RANBP17: variants seen among roughly 807,000 people sequenced by gnomAD.
The protein encoded by RANBP17 is ran-binding protein 17.
A neutral mutation model predicts 141.2 loss-of-function variants in RANBP17; 158 were observed. The observed-to-expected ratio is 1.12, with a 90% CI of 0.98 to 1.28. The LOEUF (loss-of-function observed/expected upper bound fraction) is 1.28, where lower values mean the gene tolerates loss of function less well. Ranked by LOEUF, RANBP17 falls within the 50% of genes most tolerant of loss-of-function variation. The pLI, the probability that RANBP17 is intolerant of heterozygous loss-of-function variation, is 0.00. For synonymous variants in RANBP17, 430 were observed against 450.0 expected (o/e 0.96, Z 0.56); for missense variants, 1,438 against 1,290.7 (o/e 1.11, Z -1.75).
At chr5:170,993,482 A>AT (rs1447000388) in intron 14 of RANBP17, among the ~76,000 whole-genome samples, 2 of 152,036 alleles carry the variant, frequency 1.3e-5, no homozygotes, top group South Asian at 2.1e-4. Context: ...TGTTTCTAGG[A>AT]TTTTGGCTTC....
At chr5:171,043,791 G>T (rs1364121012) in intron 14 of RANBP17, among the ~76,000 whole-genome samples, 1 of 152,076 alleles carries the variant, frequency 6.6e-6, no homozygotes, top group Non-Finnish European at 1.5e-5. Context: ...CTTCAATGAA[G>T]AGTCTAGAAC....
chr5:171,281,145 C>T (rs1043132362), intron 25 of RANBP17, among the ~76,000 whole-genome samples: 1 of 152,174 alleles, frequency 6.6e-6, no homozygotes, highest in Non-Finnish European at 1.5e-5. Context: ...CAGTCCATCA[C>T]TCCCTCAGCC....
intron 16 of RANBP17, among the ~76,000 whole-genome samples, chr5:171,182,526 G>C (rs760829498): frequency 8.5e-5 from 13 of 152,066 alleles, no homozygotes; most frequent in Non-Finnish European, 1.8e-4. Context: ...ATTTCTCTTA[G>C]CTCCTGTTTC....
intron 22 of RANBP17, among the ~76,000 whole-genome samples, chr5:171,222,412 C>T (rs568868626): frequency 6.6e-6 from 1 of 152,310 alleles, no homozygotes; most frequent in African/African-American, 2.4e-5. Flanking sequence ...AAATTCTCTA[C>T]TCTCTGAGAC....
intron 14 of RANBP17, among the ~76,000 whole-genome samples, chr5:171,145,462 A>G (rs1481740694): frequency 1.3e-5 from 2 of 152,156 alleles, no homozygotes; most frequent in Non-Finnish European, 1.5e-5. Flanking sequence ...CTTAGAAACA[A>G]TGCATATTCT....
At chr5:170,916,106 G>A (rs11745869) in intron 8 of RANBP17, among the ~76,000 whole-genome samples, 41,619 of 85,526 alleles carry the variant, frequency 0.49, 9,232 homozygotes, top group South Asian at 0.74. Flanking sequence ...ATTATCATGC[G>A]TTATATTCTA....
At chr5:170,926,027 G>T (rs1201487851) in intron 12 of RANBP17, among the ~76,000 whole-genome samples, 1 of 152,140 alleles carries the variant, frequency 6.6e-6, no homozygotes, top group Non-Finnish European at 1.5e-5. Flanking sequence ...TATATATTCA[G>T]CTTTAGTAGG....
chr5:171,221,831 T>C lies in RANBP17; in HGVS notation c.2413T>C (p.Cys805Arg). The stretch of plus-strand genomic sequence containing the variant: ...CTTCAGAGAAGCTAGTAAAATGGTT[T>C]GCACTTATGGTGAGTGTCCTTTTCC... ...LLFREASKMV[C>R]TYGNQILSLG... Residue 805 changes from cysteine (C) to arginine (R), a missense_variant, in exon 22 of 28, where the codon TGC (cysteine) becomes CGC (arginine). Transcript: ENST00000523189. The C allele has an allele frequency of 6.3e-7, 1 of 1,594,164 alleles. No homozygotes were observed. Among genetic ancestry groups the C allele is most frequent in the African/African-American group, 1.3e-5 (1 of 74,660 alleles).
chr5:171,147,280 T>TA (rs1217575482), intron 14 of RANBP17, among the ~76,000 whole-genome samples: 10 of 147,158 alleles, frequency 6.8e-5, no homozygotes, highest in South Asian at 4.3e-4. Context: ...TGCTGAAGTC[T>TA]AAAAAAAAAC....
chr5:171,246,603 G>C (rs1261340755), intron 24 of RANBP17, among the ~76,000 whole-genome samples: 1 of 152,192 alleles, frequency 6.6e-6, no homozygotes. Context: ...AGTTTGGCTG[G>C]ACATTCTTTT....
At chr5:171,084,055 C>A (rs1449074712) in intron 14 of RANBP17, among the ~76,000 whole-genome samples, 1 of 149,526 alleles carries the variant, frequency 6.7e-6, no homozygotes, top group African/African-American at 2.5e-5. Flanking sequence ...TGGTGCGCTG[C>A]ACCCACTAAC....
intron 14 of RANBP17, among the ~76,000 whole-genome samples, chr5:171,123,111 AC>A (rs1756163550): frequency 6.6e-6 from 1 of 152,126 alleles, no homozygotes. Context: ...GCTGCCATAT[AC>A]AGTAACCCTG....
At chr5:171,066,061 C>T (rs1188007920) in intron 14 of RANBP17, among the ~76,000 whole-genome samples, 1 of 151,940 alleles carries the variant, frequency 6.6e-6, no homozygotes, top group African/African-American at 2.4e-5. Context: ...AGGATTTCAC[C>T]ATGTTGATCA....
chr5:170,873,462 G>A (rs1767922961), intron 1 of RANBP17, among the ~76,000 whole-genome samples: 1 of 152,178 alleles, frequency 6.6e-6, no homozygotes, highest in East Asian at 1.9e-4. Context: ...ATTCGACTGT[G>A]AATCTGTCTG....
intron 13 of RANBP17, among the ~76,000 whole-genome samples, chr5:170,964,766 A>G (rs573862892): frequency 6.6e-6 from 1 of 152,336 alleles, no homozygotes; most frequent in South Asian, 2.1e-4. Flanking sequence ...CATGGTGTAT[A>G]TGTGCCACAT....
chr5:171,221,990 A>G, intron 22 of RANBP17, 150 bp downstream of exon 22: 1 of 599,338 alleles, frequency 1.7e-6, no homozygotes, highest in East Asian at 2.8e-5. Context: ...GTTAGCTATC[A>G]TATTGGCATC....
chr5:171,057,536 G>A (rs1206580053), intron 14 of RANBP17, among the ~76,000 whole-genome samples: 1 of 151,872 alleles, frequency 6.6e-6, no homozygotes, highest in Non-Finnish European at 1.5e-5. Context: ...ATATCATAGG[G>A]TATTTTACCC....
intron 14 of RANBP17, among the ~76,000 whole-genome samples, chr5:171,053,992 AAT>A (rs2127657323): frequency 7.1e-6 from 1 of 141,428 alleles, no homozygotes; most frequent in East Asian, 2.1e-4. Flanking sequence ...CTATTTTATC[AAT>A]ATGTCTTTCT....
intron 14 of RANBP17, among the ~76,000 whole-genome samples, chr5:171,060,630 TG>T (rs1172026543): frequency 6.6e-6 from 1 of 152,146 alleles, no homozygotes. Context: ...TTCTCTTTTT[TG>T]GTTGTGTCTC....
Sources: gnomAD v4.1 joint callset for allele counts (sites outside exome capture counted in the v4.1 genomes callset) on GRCh38, gnomAD v4.1.1 for gene constraint, MANE v1.5 for transcripts, NCBI Gene and HGNC (gene_info 2026-07-23, HGNC 2026-07-21) for gene names.